Variants in DMRT1 observed in about 807,000 individuals in gnomAD.
DMRT1 encodes the protein doublesex- and mab-3-related transcription factor 1.
DMRT1 carries 7 observed loss-of-function variants against 32.3 expected under a neutral mutation model. The observed-to-expected ratio is 0.22, with a 90% CI of 0.12 to 0.41. The LOEUF (loss-of-function observed/expected upper bound fraction) is 0.41. Ranked by LOEUF, DMRT1 falls within the 10% of genes least tolerant of loss-of-function variation. The pLI is 1.00. For synonymous variants in DMRT1, 278 were observed against 206.1 expected, an observed-to-expected ratio of 1.35 and a Z score of -2.99; for missense variants, 625 against 500.5, an observed-to-expected ratio of 1.25 and a Z score of -2.37.
At chr9:857,691 A>C (rs928960154) in intron 2 of DMRT1, among the ~76,000 whole-genome samples, 3 of 151,454 alleles carry the variant, frequency 2.0e-5, no homozygotes, top group Admixed American at 2.0e-4. Context: ...TTAGTTACAT[A>C]TGTATACATG....
chr9:883,676 C>G (rs1816819301), intron 2 of DMRT1, among the ~76,000 whole-genome samples: 1 of 151,152 alleles, frequency 6.6e-6, no homozygotes, highest in African/African-American at 2.4e-5. Context: ...CCTGTAGTCC[C>G]AGATACTTGG....
Position 890,112 on chromosome 9 carries a change from G to A in DMRT1, c.539-3800G>A, listed in dbSNP as rs539891107. Among the ~76,000 whole-genome samples, 257 of 83,354 alleles carry A rather than the reference G, an allele frequency of 3.1e-3. 2 individuals are homozygous for A. Among genetic ancestry groups the A allele is most frequent in the African/African-American group, 0.01 (234 of 22,618 alleles). 54.7% of individuals were successfully genotyped at this position (83,354 alleles called of 152,430 possible). On this transcript the variant is annotated intron_variant, in intron 2 of 4. Transcript: ENST00000382276. ...TTTTTTTTTTTTTTTTTTTTGAGCC[G>A]GAGTCTTGCTCTGTCACCCAGGCTG... is the stretch of plus-strand genomic sequence containing the variant.
chr9:843,132 CT>C (rs1838760662), intron 1 of DMRT1, among the ~76,000 whole-genome samples: 1 of 152,232 alleles, frequency 6.6e-6, no homozygotes, highest in African/African-American at 2.4e-5. Context: ...ATCTCTGACT[CT>C]CCCTCCTTGC....
intron 2 of DMRT1, among the ~76,000 whole-genome samples, chr9:855,540 A>T (rs1815361841): frequency 2.0e-5 from 3 of 152,266 alleles, no homozygotes; most frequent in Non-Finnish European, 4.4e-5. Context: ...AAGTGATCTG[A>T]ACCCACCTGT....
In DMRT1 at chr9:968,445, G is replaced by T; in HGVS notation, c.*306G>T. ...AATTCATTCAAGTGAAGCCATTTGT[G>T]TGCCTCTAAATGAGTCATCTAATTA... On this transcript the variant is annotated 3_prime_UTR_variant, in exon 5 of 5. Transcript: ENST00000382276. 1 of 319,122 alleles carries T rather than the reference G, an allele frequency of 3.1e-6. No individual in the cohort carries two copies. Among genetic ancestry groups the T allele is most frequent in the Non-Finnish European group, 5.9e-6 (1 of 168,892 alleles). The allele number at this position is 319,122 out of a possible 1,614,324, so 19.8% of individuals were successfully genotyped here. A position where few individuals can be genotyped will look rare whatever the true frequency, so the allele number is the denominator to read the frequency against.
At chr9:899,832 C>T (rs1029702494) in intron 3 of DMRT1, among the ~76,000 whole-genome samples, 3 of 152,222 alleles carry the variant, frequency 2.0e-5, no homozygotes, top group Admixed American at 2.0e-4. Context: ...CTTTCAGGCC[C>T]TATGGCAGGC....
At chr9:853,475 ATTTT>A (rs1318941683) in intron 2 of DMRT1, among the ~76,000 whole-genome samples, 1 of 144,360 alleles carries the variant, frequency 6.9e-6, no homozygotes, top group Non-Finnish European at 1.5e-5. Flanking sequence ...TATTTAATTA[ATTTT>A]TTTTTTTTTT....
chr9:952,937 C>G (rs1819476968), intron 4 of DMRT1, among the ~76,000 whole-genome samples: 1 of 152,066 alleles, frequency 6.6e-6, no homozygotes, highest in African/African-American at 2.4e-5. Context: ...TTTTTTAAAG[C>G]CGAAAGGGTT....
chr9:956,676 A>T (rs1446217622), intron 4 of DMRT1, among the ~76,000 whole-genome samples: 1 of 152,258 alleles, frequency 6.6e-6, no homozygotes, highest in African/African-American at 2.4e-5. Flanking sequence ...ACAATAAAAA[A>T]TTAAGCAAAT....
intron 2 of DMRT1, among the ~76,000 whole-genome samples, chr9:876,072 G>C (rs1468845249): frequency 6.6e-6 from 1 of 152,228 alleles, no homozygotes; most frequent in Non-Finnish European, 1.5e-5. Context: ...CCTGTGGTTA[G>C]TGGTAGATTT....
chr9:881,707 G>A (rs1415202580), intron 2 of DMRT1, among the ~76,000 whole-genome samples: 2 of 152,214 alleles, frequency 1.3e-5, no homozygotes, highest in South Asian at 2.1e-4. Flanking sequence ...CTCAGTGTAC[G>A]AAATATTTAA....
chr9:966,535 T>A (rs1166913636), intron 4 of DMRT1, among the ~76,000 whole-genome samples: 2 of 152,204 alleles, frequency 1.3e-5, no homozygotes, highest in Non-Finnish European at 1.5e-5. Flanking sequence ...TCTTGGATAT[T>A]GAGGTAGCTG....
chr9:884,500 G>C (rs985052468), intron 2 of DMRT1, among the ~76,000 whole-genome samples: 1 of 152,172 alleles, frequency 6.6e-6, no homozygotes, highest in Non-Finnish European at 1.5e-5. Flanking sequence ...CAACATCTCT[G>C]CAGATGCATC....
At chr9:862,208 CAACACTG>C (rs1815739916) in intron 2 of DMRT1, among the ~76,000 whole-genome samples, 1 of 151,520 alleles carries the variant, frequency 6.6e-6, no homozygotes, top group African/African-American at 2.4e-5. Flanking sequence ...CCAGCCTGGG[CAACACTG>C]AGCACTGAGT....
At chr9:902,179 G>C (rs923535703) in intron 3 of DMRT1, among the ~76,000 whole-genome samples, 7 of 151,790 alleles carry the variant, frequency 4.6e-5, no homozygotes, top group Non-Finnish European at 1.0e-4. Flanking sequence ...CAAAGTGCTG[G>C]GATTACAGGC....
At chr9:901,911 CT>C (rs34006231) in intron 3 of DMRT1, among the ~76,000 whole-genome samples, 2,032 of 114,200 alleles carry the variant, frequency 0.018, 20 homozygotes, top group African/African-American at 0.031. Flanking sequence ...GAAACTAGCC[CT>C]TTTTTTTTTT....
At chr9:871,957 A>G (rs577591393) in intron 2 of DMRT1, among the ~76,000 whole-genome samples, 3 of 151,464 alleles carry the variant, frequency 2.0e-5, no homozygotes, top group Admixed American at 6.6e-5. Flanking sequence ...CTATATACCT[A>G]TTTACATTTT....
At chr9:928,639 C>T (rs1202016722) in intron 4 of DMRT1, among the ~76,000 whole-genome samples, 1 of 152,070 alleles carries the variant, frequency 6.6e-6, no homozygotes, top group Non-Finnish European at 1.5e-5. Context: ...GAGACTATAC[C>T]CAAATCAGCC....
At chr9:941,262 G>A (rs566198308) in intron 4 of DMRT1, among the ~76,000 whole-genome samples, 55 of 152,026 alleles carry the variant, frequency 3.6e-4, no homozygotes, top group South Asian at 3.3e-3. Flanking sequence ...CAACCTAAGT[G>A]TCCATCAACA....
Sources: allele counts gnomAD v4.1 joint callset (sites outside exome capture counted in the v4.1 genomes callset), GRCh38; gene constraint gnomAD v4.1.1; transcripts MANE v1.5; gene names NCBI Gene and HGNC (gene_info 2026-07-23, HGNC 2026-07-21).